The following WDFY3 variants were observed in gnomAD, a reference collection of about 807,000 sequenced individuals.
The protein encoded by WDFY3 is WD repeat and FYVE domain-containing protein 3.
Under a neutral mutation model 409.6 loss-of-function variants are expected in WDFY3, and 66 were observed. The observed-to-expected ratio is 0.16, with a 90% CI of 0.13 to 0.20. WDFY3 has a LOEUF of 0.20. Among genes scored for constraint, WDFY3 ranks in the 10% least tolerant of loss-of-function variants. WDFY3 has a pLI of 1.00. For synonymous variants in WDFY3, 1,521 were observed against 1,537.1 expected, an observed-to-expected ratio of 0.99 and a Z score of 0.25; for missense variants, 3,031 against 4,298.1, an observed-to-expected ratio of 0.71 and a Z score of 8.24.
At chr4:84,946,308 A>T (rs927352777) in intron 1 of WDFY3, among the ~76,000 whole-genome samples, 2 of 152,192 alleles carry the variant, frequency 1.3e-5, no homozygotes, top group Non-Finnish European at 2.9e-5. Context: ...CTGGTGTGTG[A>T]TAAGTACCCT....
chr4:84,840,548 T>G (rs1324134752), intron 6 of WDFY3, among the ~76,000 whole-genome samples: 1 of 152,008 alleles, frequency 6.6e-6, no homozygotes, highest in Non-Finnish European at 1.5e-5. Flanking sequence ...AAATAGTCCA[T>G]CTGTTTGCCC....
chr4:84,965,133 T>C (rs1775465252), intron 1 of WDFY3, among the ~76,000 whole-genome samples: 1 of 152,228 alleles, frequency 6.6e-6, no homozygotes, highest in African/African-American at 2.4e-5. Flanking sequence ...TTAGTTCTGT[T>C]TTATGTTATG....
chr4:84,688,551 G>C (rs1315532719), intron 61 of WDFY3, among the ~76,000 whole-genome samples: 1 of 152,144 alleles, frequency 6.6e-6, no homozygotes, highest in Non-Finnish European at 1.5e-5. Context: ...AGAAGGAAGA[G>C]GGAATGACAA....
Position 84,860,395 on chromosome 4 carries a change from T to G in WDFY3, c.180+17A>C, listed in dbSNP as rs755862594. On this transcript the variant is annotated intron_variant, in intron 4 of 67. Transcript: ENST00000295888. ...CCCCCAGTCCCGGAAGGTGTGTGTCTGGCAACCTGGACTTACCCTGTTAAA... is the reference window on the plus strand; with the variant it reads ...CCCCCAGTCCCGGAAGGTGTGTGTCGGGCAACCTGGACTTACCCTGTTAAA... 6.2e-7 allele frequency: 1 copy of G among 1,602,402 alleles called. No individual in the cohort carries two copies. Among genetic ancestry groups the G allele is most frequent in the South Asian group, 1.1e-5 (1 of 90,300 alleles).
At chr4:84,755,519 C>A (rs1741285907) in intron 33 of WDFY3, 119 bp from the exon 34 acceptor site, 4 of 1,143,236 alleles carry the variant, frequency 3.5e-6, no homozygotes, top group Non-Finnish European at 3.6e-6. Context: ...TAAAAGTAAC[C>A]AATGATATAG....
chr4:84,715,410 A>G (rs1233001822), intron 49 of WDFY3, 27 bp from the exon 50 acceptor site: 1 of 1,232,128 alleles, frequency 8.1e-7, no homozygotes. Context: ...GAAAAACATT[A>G]AGAAAAAACA....
rs753138565 is a variant in WDFY3 at position 84,679,114 on chromosome 4, C to T, written c.9952G>A (p.Ala3318Thr). Residue 3318 changes from alanine (A) to threonine (T), a missense_variant, in exon 65 of 68, where the codon GCA (alanine) becomes ACA (threonine). By Grantham distance (58) the Ala-to-Thr change is moderately conservative. Coordinates refer to ENST00000295888, the MANE Select transcript of WDFY3 (RefSeq NM_014991.6). ...CTGTCAGTACACCAGGCGGCTGTTG[C>T]GCGGCAGGAGGCTGCCCGGGGCCTG... Reference protein sequence around the residue: ...SHRPRAASCRATAAWCTDSGS... With the variant: ...SHRPRAASCRTTAAWCTDSGS... 1.4e-5 allele frequency: 23 copies of T among 1,614,152 alleles called. No homozygotes were observed. The highest frequency in any genetic ancestry group is 4.5e-5 in the East Asian group (2 of 44,874).
intron 1 of WDFY3, among the ~76,000 whole-genome samples, chr4:84,935,625 G>A (rs903409756): frequency 8.6e-5 from 13 of 151,946 alleles, no homozygotes; most frequent in Admixed American, 2.0e-4. Flanking sequence ...TACCAGTCTT[G>A]ACCAAAAACA....
chr4:84,875,857 G>A (rs967181666), intron 3 of WDFY3, among the ~76,000 whole-genome samples: 3 of 152,130 alleles, frequency 2.0e-5, no homozygotes, highest in East Asian at 1.9e-4. Context: ...TAACCCATAT[G>A]GAGCTGTTAT....
chr4:84,883,641 A>G (rs1398591969), intron 3 of WDFY3, among the ~76,000 whole-genome samples: 1 of 152,168 alleles, frequency 6.6e-6, no homozygotes, highest in African/African-American at 2.4e-5. Context: ...TGAAGGATTA[A>G]GCATACCTAG....
At chr4:84,904,360 C>T (rs903822463) in intron 2 of WDFY3, among the ~76,000 whole-genome samples, 4 of 151,328 alleles carry the variant, frequency 2.6e-5, no homozygotes, top group East Asian at 1.9e-4. Flanking sequence ...CCTGCCTAGG[C>T]GAAACAGAGC....
At chr4:84,813,125 T>C (rs1469023472) in intron 13 of WDFY3, among the ~76,000 whole-genome samples, 2 of 152,086 alleles carry the variant, frequency 1.3e-5, no homozygotes, top group Non-Finnish European at 2.9e-5. Context: ...GGAGGCACTA[T>C]GTAATTACAA....
intron 1 of WDFY3, among the ~76,000 whole-genome samples, chr4:84,963,134 A>AC (rs1443546207): frequency 6.6e-6 from 1 of 151,848 alleles, no homozygotes; most frequent in African/African-American, 2.4e-5. Context: ...AAACAAAAAA[A>AC]AAAAAACGGC....
chr4:84,700,840 C>T (rs1012351773), intron 56 of WDFY3, among the ~76,000 whole-genome samples: 16 of 152,214 alleles, frequency 1.1e-4, no homozygotes, highest in South Asian at 8.3e-4. Flanking sequence ...TGGTGGCTCA[C>T]GCCTGTAACC....
chr4:84,709,332 G>T lies in WDFY3; in HGVS notation c.8058C>A (p.Ser2686Arg). The part of the protein sequence containing the change: ...TSVEQGSGLL[S>R]TLVGEKSVTQ... ...TCACAGACTTCTCTCCAACCAAAGT[G>T]CTAAGTAACCCAGATCTAAAAGCAA... Residue 2686 changes from serine to arginine, a missense_variant, in exon 52 of 68, where the codon AGC (serine) becomes AGA (arginine). Ser to Arg is a moderately radical substitution (Grantham distance 110). Transcript: ENST00000295888. 6.2e-7 allele frequency: 1 copy of T among 1,611,028 alleles called. No homozygotes were observed. Among genetic ancestry groups the T allele is most frequent in the Admixed American group, 1.7e-5 (1 of 59,426 alleles).
chr4:84,962,442 C>T (rs1003749327), intron 1 of WDFY3, among the ~76,000 whole-genome samples: 1 of 152,058 alleles, frequency 6.6e-6, no homozygotes, highest in Non-Finnish European at 1.5e-5. Context: ...CGAGATAAAA[C>T]TTTAAGAGCA....
intron 30 of WDFY3, among the ~76,000 whole-genome samples, chr4:84,770,070 G>C (rs1432644264): frequency 6.7e-6 from 1 of 149,830 alleles, no homozygotes; most frequent in East Asian, 2.0e-4. Context: ...ACTCTGTCAC[G>C]CAGGCTGGAG....
chr4:84,749,537 CT>C (rs1740123050), intron 36 of WDFY3, among the ~76,000 whole-genome samples: 1 of 152,148 alleles, frequency 6.6e-6, no homozygotes. Context: ...ACAGCAGGTC[CT>C]CAAATAACAT....
intron 44 of WDFY3, among the ~76,000 whole-genome samples, chr4:84,728,147 C>T (rs1364898315): frequency 6.6e-6 from 1 of 152,084 alleles, no homozygotes; most frequent in African/African-American, 2.4e-5. Flanking sequence ...AAATACTGAA[C>T]TCATAATATG....
Sources: allele counts gnomAD v4.1 joint callset (sites outside exome capture counted in the v4.1 genomes callset), GRCh38; gene constraint gnomAD v4.1.1; transcripts MANE v1.5; gene names NCBI Gene and HGNC (gene_info 2026-07-23, HGNC 2026-07-21).